The following SLC35F1 variants were observed in gnomAD, a reference collection of about 807,000 sequenced individuals.
SLC35F1 encodes solute carrier family 35 member F1, also known as chromosome 6 open reading frame 169.
In SLC35F1, 14 loss-of-function variants were observed where a neutral mutation model predicts 48.7. The observed-to-expected ratio is 0.29, with a 90% CI of 0.19 to 0.45. SLC35F1 has a LOEUF of 0.45. Ranked by LOEUF, SLC35F1 falls within the 20% of genes least tolerant of loss-of-function variation. The pLI is 1.00. For synonymous variants in SLC35F1, 190 were observed against 202.2 expected, an observed-to-expected ratio of 0.94 and a Z score of 0.51; for missense variants, 404 against 500.0, an observed-to-expected ratio of 0.81 and a Z score of 1.83.
intron 3 of SLC35F1, among the ~76,000 whole-genome samples, chr6:118,245,431 T>C (rs1775494598): frequency 6.6e-6 from 1 of 152,190 alleles, no homozygotes; most frequent in South Asian, 2.1e-4. Flanking sequence ...CTGTGCCTAA[T>C]GTCCCTAGGG....
At chr6:117,949,155 T>C (rs547000126) in intron 1 of SLC35F1, among the ~76,000 whole-genome samples, 1 of 152,232 alleles carries the variant, frequency 6.6e-6, no homozygotes, top group East Asian at 1.9e-4. Context: ...AAAGATTGAG[T>C]GGTTTTTCAA....
chr6:117,942,869 T>G (rs1776249439), intron 1 of SLC35F1, among the ~76,000 whole-genome samples: 1 of 152,234 alleles, frequency 6.6e-6, no homozygotes, highest in Admixed American at 6.5e-5. Context: ...TCTTACTTAT[T>G]GTTACAAGTA....
chr6:118,063,882 G>T (rs1772577426), intron 1 of SLC35F1, among the ~76,000 whole-genome samples: 2 of 151,988 alleles, frequency 1.3e-5, no homozygotes, highest in Non-Finnish European at 1.5e-5. Context: ...TTTAATTATA[G>T]TGAAGGTGTG....
At chr6:118,293,481 C>T (rs1776148861) in intron 7 of SLC35F1, among the ~76,000 whole-genome samples, 1 of 152,172 alleles carries the variant, frequency 6.6e-6, no homozygotes, top group Non-Finnish European at 1.5e-5. Flanking sequence ...CCAGATAATT[C>T]AGGATAATAT....
chr6:118,163,802 A>G (rs897942950), intron 2 of SLC35F1, among the ~76,000 whole-genome samples: 10 of 152,250 alleles, frequency 6.6e-5, no homozygotes, highest in Non-Finnish European at 1.0e-4. Flanking sequence ...AATAGAGTTT[A>G]TCTTTACAAT....
intron 2 of SLC35F1, among the ~76,000 whole-genome samples, chr6:118,184,022 T>G (rs1332470294): frequency 1.3e-5 from 2 of 152,168 alleles, no homozygotes; most frequent in Admixed American, 6.6e-5. Context: ...TTTTGTCAAA[T>G]TGCTAGTGAA....
intron 2 of SLC35F1, among the ~76,000 whole-genome samples, chr6:118,231,315 A>T (rs1775290224): frequency 6.6e-6 from 1 of 152,220 alleles, no homozygotes; most frequent in East Asian, 1.9e-4. Flanking sequence ...ATTTAAAAAA[A>T]GGTGGGGTGG....
At position 118,288,902 on chromosome 6, in the gene SLC35F1, C is replaced by T. The variant is rs547789170; in HGVS notation, c.1002+3564C>T. ...TGCAGTACAAAAAAACCCCACAAAA[C>T]GGTAGTACAATACCAGGATGTTAAC... On this transcript the variant is annotated intron_variant, in intron 7 of 7. Coordinates refer to ENST00000360388, the MANE Select transcript of SLC35F1 (RefSeq NM_001029858.4). Among the ~76,000 whole-genome samples, 5 of 152,230 alleles carry T rather than the reference C, an allele frequency of 3.3e-5. No homozygotes were observed. The South Asian group carries it at 6.2e-4, about 19-fold the overall frequency.
intron 2 of SLC35F1, among the ~76,000 whole-genome samples, chr6:118,215,024 G>A (rs1027917265): frequency 5.9e-5 from 9 of 151,998 alleles, no homozygotes; most frequent in African/African-American, 1.5e-4. Context: ...ATTTCTCTAG[G>A]GACCTTTGTT....
chr6:118,254,933 T>G (rs1324474674), intron 3 of SLC35F1, among the ~76,000 whole-genome samples: 1 of 152,202 alleles, frequency 6.6e-6, no homozygotes, highest in Non-Finnish European at 1.5e-5. Context: ...CTAATTCTCA[T>G]GCACTTTGTC....
intron 1 of SLC35F1, among the ~76,000 whole-genome samples, chr6:118,076,701 A>G (rs1380666000): frequency 6.6e-6 from 1 of 152,234 alleles, no homozygotes; most frequent in Non-Finnish European, 1.5e-5. Context: ...GTGGGGACAC[A>G]GAGCCAAACC....
chr6:118,106,651 A>C (rs766358789), intron 1 of SLC35F1, among the ~76,000 whole-genome samples: 2 of 152,230 alleles, frequency 1.3e-5, no homozygotes, highest in Non-Finnish European at 2.9e-5. Context: ...CTACTGTTTA[A>C]AGTTTAAATG....
chr6:118,131,392 G>T (rs750262259), intron 1 of SLC35F1, among the ~76,000 whole-genome samples: 1 of 152,132 alleles, frequency 6.6e-6, no homozygotes, highest in South Asian at 2.1e-4. Flanking sequence ...ATAGGAAGTT[G>T]CTGCCTACCA....
chr6:118,104,916 T>G (rs1299496604), intron 1 of SLC35F1, among the ~76,000 whole-genome samples: 1 of 152,210 alleles, frequency 6.6e-6, no homozygotes, highest in Non-Finnish European at 1.5e-5. Context: ...ATGAGCCTTC[T>G]TGTTCCTTCT....
intron 1 of SLC35F1, among the ~76,000 whole-genome samples, chr6:118,106,761 A>G (rs556417371): frequency 6.6e-6 from 1 of 152,178 alleles, no homozygotes; most frequent in East Asian, 1.9e-4. Flanking sequence ...CTATGCCTCC[A>G]ACTCAGATTT....
In SLC35F1 at chr6:118,267,031, C is replaced by T. The variant is rs760173231; in HGVS notation, c.514C>T (p.Leu172Phe). 2.5e-6 allele frequency: 4 copies of T among 1,614,026 alleles called. No homozygotes were observed. In the Admixed American group the frequency reaches 5.0e-5, roughly 20 times the overall value. Residue 172 changes from leucine to phenylalanine, a missense_variant, in exon 4 of 8, where the codon CTC becomes TTC. Transcript: ENST00000360388. ...DCFVIPVVIL[L>F]SWFFLLIRYK... ...TTTTGTGATCCCAGTCGTGATTTTG[C>T]TCTCCTGGTTCTTCCTGCTGATCCG...
At chr6:118,280,296 C>T (rs909905440) in intron 6 of SLC35F1, among the ~76,000 whole-genome samples, 12 of 152,122 alleles carry the variant, frequency 7.9e-5, no homozygotes, top group Admixed American at 2.0e-4. Context: ...CTTTACCCCA[C>T]GGGTCATACT....
chr6:118,196,869 A>G lies in SLC35F1; in HGVS notation c.350-38640A>G, dbSNP rs979881152. Reference sequence around the variant, plus strand: ...TTCATTTTTAGTTGATTTTTTGTACATAGCCTAACATAAGGGTCCCATTTT... The same window carrying G: ...TTCATTTTTAGTTGATTTTTTGTACGTAGCCTAACATAAGGGTCCCATTTT... On this transcript the variant is annotated intron_variant, in intron 2 of 7. Coordinates refer to ENST00000360388, the MANE Select transcript of SLC35F1 (RefSeq NM_001029858.4). 3.9e-5 allele frequency among the ~76,000 whole-genome samples: 6 copies of G among 152,150 alleles called. No homozygotes were observed. The South Asian group carries it at 6.2e-4, about 16-fold the overall frequency.
chr6:118,160,515 T>C (rs1046914447), intron 2 of SLC35F1, among the ~76,000 whole-genome samples: 13 of 152,232 alleles, frequency 8.5e-5, no homozygotes. Context: ...AGAATCCCTT[T>C]GATTTTTTTC....
Sources: gnomAD v4.1 joint callset for allele counts (sites outside exome capture counted in the v4.1 genomes callset) on GRCh38, gnomAD v4.1.1 for gene constraint, MANE v1.5 for transcripts, NCBI Gene and HGNC (gene_info 2026-07-23, HGNC 2026-07-21) for gene names.